Variants in VGLL4 observed in about 807,000 individuals in gnomAD.
VGLL4 encodes transcription cofactor vestigial-like protein 4.
A neutral mutation model predicts 21.0 loss-of-function variants in VGLL4; 7 were observed. That is an observed-to-expected ratio of 0.33 (90% CI 0.19 to 0.63). The LOEUF is 0.63. Among genes scored for constraint, VGLL4 ranks in the 20% least tolerant of loss-of-function variants. VGLL4 has a pLI of 0.78. For missense variants in VGLL4, 394 were observed against 425.7 expected, an observed-to-expected ratio of 0.93 and a Z score of 0.66; for synonymous variants, 222 against 173.2, an observed-to-expected ratio of 1.28 and a Z score of -2.21.
intron 2 of VGLL4, among the ~76,000 whole-genome samples, chr3:11,599,987 C>T (rs1575436712): frequency 6.6e-6 from 1 of 151,954 alleles, no homozygotes; most frequent in Admixed American, 6.6e-5. Flanking sequence ...GGGAATTGAA[C>T]CCAGGCATTT....
At chr3:11,628,886 A>G (rs1318528411) in intron 1 of VGLL4, among the ~76,000 whole-genome samples, 1 of 152,214 alleles carries the variant, frequency 6.6e-6, no homozygotes, top group Non-Finnish European at 1.5e-5. Flanking sequence ...ATGAGATACT[A>G]CTTTGGACCA....
chr3:11,675,368 A>T lies in VGLL4; in HGVS notation c.64+27603T>A, dbSNP rs540201675. Among the ~76,000 whole-genome samples the T allele has an allele frequency of 1.1e-4, 16 of 151,824 alleles. No homozygotes were observed. In the South Asian group the frequency reaches 3.3e-3, roughly 32 times the overall value. On this transcript the variant is annotated intron_variant, in intron 2 of 5. Transcript: ENST00000273038. Reference sequence around the variant, plus strand: ...CTCAAAAAATAAAAAATAAAAAAATAAAAAAATGTAACATAGGCCAGAACA... The same window carrying T: ...CTCAAAAAATAAAAAATAAAAAAATTAAAAAATGTAACATAGGCCAGAACA...
intron 1 of VGLL4, among the ~76,000 whole-genome samples, chr3:11,636,653 GT>G (rs1389767602): frequency 6.6e-6 from 1 of 152,186 alleles, no homozygotes; most frequent in African/African-American, 2.4e-5. Flanking sequence ...GAAAGTCGCT[GT>G]TCAGGCCCTA....
intron 2 of VGLL4, among the ~76,000 whole-genome samples, chr3:11,665,537 C>T (rs904068364): frequency 5.3e-5 from 8 of 152,208 alleles, no homozygotes; most frequent in Non-Finnish European, 1.0e-4. Context: ...TGAGTGACTC[C>T]GGAGTGGCAG....
chr3:11,560,612 G>A (rs901921789), intron 3 of VGLL4, among the ~76,000 whole-genome samples: 2 of 152,214 alleles, frequency 1.3e-5, no homozygotes, highest in South Asian at 2.1e-4. Context: ...ATGAAAATGT[G>A]GATCCACAAG....
At position 11,564,853 on chromosome 3, in the gene VGLL4, C is replaced by T. The variant is rs752119448; in HGVS notation, c.439G>A (p.Asp147Asn). 4 of 1,606,788 alleles carry T rather than the reference C, an allele frequency of 2.5e-6. No homozygotes were observed. In the South Asian group the frequency reaches 4.4e-5, roughly 18 times the overall value. ...GAGAGGCCGGCTGGCCTGCTGGCGT[C>T]CAGGCTGTTCTTGGTCAGTGCGAGG... ...QPLALTKNSL[D>N]ASRPAGLSPT... Residue 147 changes from aspartate (D) to asparagine (N), a missense_variant, in exon 3 of 5, where the codon GAC becomes AAC. Asp to Asn is a conservative substitution (Grantham distance 23). Transcript: ENST00000430365.
chr3:11,643,668 T>TA lies in VGLL4; in HGVS notation c.-151_-150insT, dbSNP rs2075739420. On this transcript the variant is annotated 5_prime_UTR_variant, in exon 1 of 5. Transcript: ENST00000430365. ...ACTATCAAAACAAAGTATGCAAAAG[T>TA]TAAAAAAAAAAAAATCAGGCACAAA... 5.7e-6 allele frequency: 8 copies of TA among 1,396,704 alleles called. No individual in the cohort carries two copies. In the South Asian group the frequency reaches 1.2e-4, roughly 21 times the overall value. The allele number at this position is 1,396,704 out of a possible 1,614,324, so 86.5% of individuals were successfully genotyped here.
chr3:11,715,200 C>T (rs2076903952), intron 1 of VGLL4, among the ~76,000 whole-genome samples: 1 of 151,978 alleles, frequency 6.6e-6, no homozygotes, highest in Admixed American at 6.6e-5. Context: ...CAGAACAGCC[C>T]AGGTCTAACT....
chr3:11,610,000 C>G (rs2075025743), intron 1 of VGLL4, among the ~76,000 whole-genome samples: 1 of 152,108 alleles, frequency 6.6e-6, no homozygotes, highest in Non-Finnish European at 1.5e-5. Flanking sequence ...TACGTTCAGC[C>G]CCCCTCCCAG....
At chr3:11,668,774 G>A (rs995314329) in intron 2 of VGLL4, among the ~76,000 whole-genome samples, 4 of 152,184 alleles carry the variant, frequency 2.6e-5, no homozygotes, top group African/African-American at 9.7e-5. Context: ...CAGTGAACTT[G>A]GCTGACAGCC....
intron 1 of VGLL4, among the ~76,000 whole-genome samples, chr3:11,633,827 G>A (rs1279815337): frequency 1.3e-5 from 2 of 152,144 alleles, no homozygotes; most frequent in Non-Finnish European, 2.9e-5. Context: ...GCAGTTTCAC[G>A]TTATGTGGAC....
chr3:11,673,440 G>A (rs1391009579), intron 2 of VGLL4, among the ~76,000 whole-genome samples: 1 of 151,832 alleles, frequency 6.6e-6, no homozygotes, highest in Non-Finnish European at 1.5e-5. Context: ...GGGGAAAGGG[G>A]GGGAAGTAGA....
rs1472171560 is a variant in VGLL4 at position 11,719,246 on chromosome 3, A to C, written c.-14+1148T>G. On this transcript the variant is annotated intron_variant, in intron 1 of 5. Coordinates refer to the VGLL4 transcript ENST00000273038. The surrounding 1 kb of genome is among the most constrained non-coding windows in gnomAD (Gnocchi z 4.0). ...CTCCCAGGACGTCCTCCGGGAGCCT[A>C]GGCGCTTCCGCTCCCACCGGCGCCT... Among the ~76,000 whole-genome samples, 1 of 151,724 alleles carries C rather than the reference A, an allele frequency of 6.6e-6. No individual in the cohort carries two copies. Among genetic ancestry groups the C allele is most frequent in the Non-Finnish European group, 1.5e-5 (1 of 67,870 alleles).
intron 2 of VGLL4, among the ~76,000 whole-genome samples, chr3:11,650,819 T>C (rs944578629): frequency 3.3e-5 from 5 of 152,152 alleles, no homozygotes; most frequent in African/African-American, 1.2e-4. Flanking sequence ...AGTTTGACTA[T>C]TCCTTGAGCT....
rs896509394 is a variant in VGLL4, at chr3:11,565,533, T to C, written c.273-514A>G. Among the ~76,000 whole-genome samples the C allele has an allele frequency of 3.3e-5, 5 of 152,154 alleles. 1 individual carries two copies. The highest frequency in any genetic ancestry group is 1.2e-4 in the African/African-American group (5 of 41,432). Reference sequence around the variant, plus strand: ...AGCAGGCAATGCTGCCACCATCCCCTTTCCAGACCAGAACCCCAAGACTCA... The same window carrying C: ...AGCAGGCAATGCTGCCACCATCCCCCTTCCAGACCAGAACCCCAAGACTCA... On this transcript the variant is annotated intron_variant, in intron 2 of 4. Coordinates refer to ENST00000430365, the MANE Select transcript of VGLL4 (RefSeq NM_001128219.3). This position sits in a 1 kb window ranked among gnomAD's most constrained non-coding sequence, Gnocchi z 4.1.
intron 1 of VGLL4, chr3:11,703,158 T>G: frequency 5.4e-6 from 5 of 918,916 alleles, no homozygotes; most frequent in Non-Finnish European, 7.7e-6. Context: ...ATCATTCTTC[T>G]AAGGATGAAA....
chr3:11,580,116 C>T (rs1287693020), intron 2 of VGLL4, among the ~76,000 whole-genome samples: 2 of 152,182 alleles, frequency 1.3e-5, no homozygotes, highest in Non-Finnish European at 2.9e-5. Context: ...CCGCACCATC[C>T]GTCTCCAGAA....
intron 2 of VGLL4, among the ~76,000 whole-genome samples, chr3:11,650,703 T>C (rs2075857723): frequency 7.1e-6 from 1 of 140,996 alleles, no homozygotes; most frequent in African/African-American, 2.7e-5. Flanking sequence ...TTTTCTCTTC[T>C]TGCTACACAT....
chr3:11,632,165 T>C (rs2075491572), intron 1 of VGLL4, among the ~76,000 whole-genome samples: 1 of 151,922 alleles, frequency 6.6e-6, no homozygotes, highest in African/African-American at 2.4e-5. Context: ...ATACAAAAAT[T>C]AGCCGTGTGT....
Sources: gnomAD v4.1 joint callset for allele counts (sites outside exome capture counted in the v4.1 genomes callset) on GRCh38, gnomAD v4.1.1 for gene constraint, Gnocchi (gnomAD v3.1) non-coding constraint, MANE v1.5 for transcripts, NCBI Gene and HGNC (gene_info 2026-07-23, HGNC 2026-07-21) for gene names.